TOX: variants seen among roughly 807,000 people sequenced by gnomAD.
TOX encodes the protein thymocyte selection associated high mobility group box.
In TOX, 11 loss-of-function variants were observed where a neutral mutation model predicts 53.7. That is an observed-to-expected ratio of 0.20 (90% CI 0.13 to 0.34). TOX has a LOEUF of 0.34. TOX is among the 10% of genes least tolerant of loss of function. The pLI, the probability that TOX is intolerant of heterozygous loss-of-function variation, is 1.00. For synonymous variants in TOX, 225 were observed against 245.3 expected, an observed-to-expected ratio of 0.92 and a Z score of 0.77; for missense variants, 570 against 664.6, an observed-to-expected ratio of 0.86 and a Z score of 1.56.
At chr8:59,015,622 TAA>T (rs767688217) in intron 1 of TOX, among the ~76,000 whole-genome samples, 1 of 152,212 alleles carries the variant, frequency 6.6e-6, no homozygotes, top group Non-Finnish European at 1.5e-5. Context: ...GAAATGATTA[TAA>T]AAGACATAGA....
intron 1 of TOX, chr8:58,991,677 T>C (rs530746521): frequency 5.9e-5 from 9 of 152,188 alleles, no homozygotes; most frequent in Non-Finnish European, 1.0e-4. Context: ...AAAATGAAAC[T>C]TGTGACTTTA....
intron 2 of TOX, 21 bp from the exon 3 acceptor site, chr8:58,939,565 C>T (rs376144727): frequency 5.0e-6 from 8 of 1,589,738 alleles, no homozygotes; most frequent in East Asian, 2.2e-5. Flanking sequence ...ACAAAAGTGA[C>T]ATTGTTGCAA....
At chr8:59,111,177 A>T (rs1287754277) in intron 1 of TOX, among the ~76,000 whole-genome samples, 1 of 152,158 alleles carries the variant, frequency 6.6e-6, no homozygotes, top group Non-Finnish European at 1.5e-5. Flanking sequence ...TCTTATGGTT[A>T]GGTTTATTTT....
At chr8:58,947,074 A>G (rs1812534223) in intron 2 of TOX, among the ~76,000 whole-genome samples, 4 of 152,140 alleles carry the variant, frequency 2.6e-5, no homozygotes, top group Admixed American at 2.6e-4. Flanking sequence ...TAATAAAAAG[A>G]ATTGAATATT....
At chr8:58,905,690 A>G (rs372349598) in intron 3 of TOX, among the ~76,000 whole-genome samples, 6 of 152,172 alleles carry the variant, frequency 3.9e-5, no homozygotes, top group East Asian at 3.8e-4. Flanking sequence ...ATTTTCAGTA[A>G]TTGCACAGTC....
At chr8:58,947,879 T>G (rs895453083) in intron 2 of TOX, among the ~76,000 whole-genome samples, 4 of 152,168 alleles carry the variant, frequency 2.6e-5, no homozygotes, top group African/African-American at 9.7e-5. Flanking sequence ...CAGGCTACTG[T>G]CCAGGCTGCT....
intron 3 of TOX, among the ~76,000 whole-genome samples, chr8:58,876,468 T>TA (rs11431757): frequency 0.22 from 32,704 of 151,732 alleles, 3,792 homozygotes; most frequent in African/African-American, 0.29. Context: ...AATGCTGGGG[T>TA]GGGGGGAAAG....
chr8:58,947,089 A>C (rs1191707963), intron 2 of TOX, among the ~76,000 whole-genome samples: 1 of 152,156 alleles, frequency 6.6e-6, no homozygotes, highest in African/African-American at 2.4e-5. Context: ...AATATTTGTC[A>C]ATTGTAAGCT....
intron 1 of TOX, among the ~76,000 whole-genome samples, chr8:59,049,536 T>C (rs1803752684): frequency 1.3e-5 from 2 of 152,314 alleles, no homozygotes; most frequent in East Asian, 3.9e-4. Context: ...ACTGGATTTT[T>C]TTTCGAACAT....
intron 1 of TOX, among the ~76,000 whole-genome samples, chr8:59,019,077 A>C (rs1814071467): frequency 6.6e-6 from 1 of 152,058 alleles, no homozygotes; most frequent in African/African-American, 2.4e-5. Context: ...TATTTTATAA[A>C]ATTTTTTTCA....
chr8:58,852,466 A>G (rs1429167567), intron 3 of TOX, among the ~76,000 whole-genome samples: 12 of 152,228 alleles, frequency 7.9e-5, no homozygotes, highest in Admixed American at 7.9e-4. Context: ...AGGTCAACAT[A>G]TTAATCCATT....
intron 1 of TOX, among the ~76,000 whole-genome samples, chr8:59,074,170 A>G (rs572645025): frequency 6.6e-6 from 1 of 152,260 alleles, no homozygotes; most frequent in South Asian, 2.1e-4. Flanking sequence ...AATATCTATT[A>G]AGCTTCAATT....
At chr8:58,881,625 G>A (rs563395590) in intron 3 of TOX, among the ~76,000 whole-genome samples, 1 of 151,308 alleles carries the variant, frequency 6.6e-6, no homozygotes, top group South Asian at 2.1e-4. Context: ...TCAGGAGGCT[G>A]AGGCACGAGA....
intron 3 of TOX, among the ~76,000 whole-genome samples, chr8:58,890,749 C>T (rs1352547582): frequency 6.6e-6 from 1 of 152,090 alleles, no homozygotes; most frequent in East Asian, 1.9e-4. Context: ...GATGGATGTT[C>T]ACCAAGCATT....
At chr8:59,078,963 C>T (rs1450201919) in intron 1 of TOX, among the ~76,000 whole-genome samples, 1 of 152,156 alleles carries the variant, frequency 6.6e-6, no homozygotes, top group South Asian at 2.1e-4. Context: ...CGTTAGCTAG[C>T]AAAGAGCTTG....
chr8:59,027,379 C>T (rs1166447995), intron 1 of TOX, among the ~76,000 whole-genome samples: 1 of 151,868 alleles, frequency 6.6e-6, no homozygotes, highest in African/African-American at 2.4e-5. Flanking sequence ...GATTTGCAGA[C>T]ATTTTTGCAA....
chr8:58,911,419 TTATATG>T (rs1388088943), intron 3 of TOX, among the ~76,000 whole-genome samples: 3 of 152,230 alleles, frequency 2.0e-5, no homozygotes, highest in African/African-American at 7.2e-5. Context: ...TTTCTTATTG[TTATATG>T]TATATGTATG....
chr8:58,994,074 G>A (rs571000868), intron 1 of TOX, among the ~76,000 whole-genome samples: 47 of 152,300 alleles, frequency 3.1e-4, no homozygotes, highest in Middle Eastern at 3.4e-3. Flanking sequence ...GTCTAAAACA[G>A]CCAGAAAGTG....
intron 1 of TOX, among the ~76,000 whole-genome samples, chr8:59,038,708 G>A (rs1379262766): frequency 6.6e-6 from 1 of 152,216 alleles, no homozygotes. Flanking sequence ...AGGAACCCTG[G>A]AGACAGGACG....
Sources: allele counts gnomAD v4.1 joint callset (sites outside exome capture counted in the v4.1 genomes callset), GRCh38; gene constraint gnomAD v4.1.1; transcripts MANE v1.5; gene names NCBI Gene and HGNC (gene_info 2026-07-23, HGNC 2026-07-21).